ZNF554: variants seen among roughly 807,000 people sequenced by gnomAD.
The protein encoded by ZNF554 is zinc finger protein 554.
ZNF554 carries 15 observed loss-of-function variants against 21.2 expected under a neutral mutation model. The ratio of observed to expected loss-of-function variants is 0.71; its 90% CI spans 0.47 to 1.09. The LOEUF (loss-of-function observed/expected upper bound fraction) is 1.09, where lower values mean the gene tolerates loss of function less well. Ranked by LOEUF, ZNF554 falls within the 50% of genes least tolerant of loss-of-function variation. ZNF554 has a pLI of 0.00. For missense variants in ZNF554, 691 were observed against 662.7 expected (o/e 1.04, Z -0.47); for synonymous variants, 258 against 251.4 (o/e 1.03, Z -0.25).
intron 1 of ZNF554, among the ~76,000 whole-genome samples, chr19:2,822,639 G>A (rs1053842873): frequency 6.6e-6 from 1 of 152,136 alleles, no homozygotes; most frequent in Non-Finnish European, 1.5e-5. Context: ...CAGAATTTAG[G>A]GAGGCTGAGG....
chr19:2,825,692 C>T (rs931659382), intron 2 of ZNF554, among the ~76,000 whole-genome samples: 1 of 152,106 alleles, frequency 6.6e-6, no homozygotes, highest in Non-Finnish European at 1.5e-5. Context: ...AGCTTGGCTT[C>T]CCAAAGGGCT....
rs1185220517 is a variant in ZNF554, at chr19:2,821,967, C to G, written c.54-1073C>G. 6.6e-6 allele frequency among the ~76,000 whole-genome samples: 1 copy of G among 152,092 alleles called. No homozygotes were observed. The highest frequency in any genetic ancestry group is 1.5e-5 in the Non-Finnish European group (1 of 68,022). On this transcript the variant is annotated intron_variant, in intron 1 of 4. Coordinates refer to ENST00000317243, the MANE Select transcript of ZNF554 (RefSeq NM_001102651.2). The surrounding 1 kb of genome is among the most constrained non-coding windows in gnomAD (Gnocchi z 8.2). ...CGTGAGTCACCTAGTCCAGCTGTCT[C>G]TTTCTCTTATAAGGACAATACTCAT...
At position 2,834,529 on chromosome 19, in the gene ZNF554, G is replaced by C; in HGVS notation, c.1294G>C (p.Gly432Arg). ...GATCTTGCACAAGAGGACACACACCGGAGAGAAGCCCTACGAATGCAGTGA... is the reference window on the plus strand; with the variant it reads ...GATCTTGCACAAGAGGACACACACCCGAGAGAAGCCCTACGAATGCAGTGA... ...YLILHKRTHTGEKPYECSECG... is the reference protein window; with the variant it reads ...YLILHKRTHTREKPYECSECG... The change falls in exon 5 of 5, where the codon GGA (glycine) becomes CGA (arginine). Residue 432 changes from glycine to arginine, a missense_variant. Transcript: ENST00000317243. 1 of 1,614,060 alleles carries C rather than the reference G, an allele frequency of 6.2e-7. No homozygotes were observed. The highest frequency in any genetic ancestry group is 1.7e-5 in the Admixed American group (1 of 60,000).
chr19:2,832,610 C>T lies in ZNF554; in HGVS notation c.445+116C>T, dbSNP rs1026963656. ...AAGGAGAATGCCAAGATCCCTTTCT[C>T]GGACACCTTCAGTTCATTTTCTGGC... On this transcript the variant is annotated intron_variant, in intron 4 of 4. Transcript: ENST00000317243. 7 of 1,043,758 alleles carry T rather than the reference C, an allele frequency of 6.7e-6. No individual in the cohort carries two copies. In the South Asian group the frequency reaches 7.0e-5, roughly 10 times the overall value. The allele number at this position is 1,043,758 out of a possible 1,614,324, so 64.7% of individuals were successfully genotyped here.
At chr19:2,826,089 G>A (rs1187126434) in intron 2 of ZNF554, among the ~76,000 whole-genome samples, 3 of 151,432 alleles carry the variant, frequency 2.0e-5, no homozygotes, top group Non-Finnish European at 4.4e-5. Context: ...TGGTAGAGAC[G>A]GGGTTTCTCC....
Position 2,821,739 on chromosome 19 carries a change from T to G in ZNF554, c.54-1301T>G, listed in dbSNP as rs1457840409. Among the ~76,000 whole-genome samples, 1 of 152,132 alleles carries G rather than the reference T, an allele frequency of 6.6e-6. No homozygotes were observed. The highest frequency in any genetic ancestry group is 2.4e-5 in the African/African-American group (1 of 41,394). ...TGGAGTGCAGTGGCACGATCTCGGC[T>G]CACTGCAATCTCTACCCCACAGGAT... is the stretch of plus-strand genomic sequence containing the variant. On this transcript the variant is annotated intron_variant, in intron 1 of 4. Coordinates refer to ENST00000317243, the MANE Select transcript of ZNF554 (RefSeq NM_001102651.2). The surrounding 1 kb of genome is among the most constrained non-coding windows in gnomAD (Gnocchi z 8.2).
chr19:2,834,967 A>T lies in ZNF554; in HGVS notation c.*115A>T. On this transcript the variant is annotated 3_prime_UTR_variant, in exon 5 of 5. Coordinates refer to ENST00000317243, the MANE Select transcript of ZNF554 (RefSeq NM_001102651.2). ...AGAAGTGGGTTTATGTCACCTTCTC[A>T]CCTTCTTATAAGAAAGCTCTGAGAA... The T allele has an allele frequency of 1.1e-6, 1 of 946,468 alleles. No individual in the cohort carries two copies. The highest frequency in any genetic ancestry group is 1.6e-6 in the Non-Finnish European group (1 of 645,032). The allele number at this position is 946,468 out of a possible 1,614,324, so 58.6% of individuals were successfully genotyped here. A position where few individuals can be genotyped will look rare whatever the true frequency, so the allele number is the denominator to read the frequency against.
chr19:2,829,274 G>A (rs941182223), intron 3 of ZNF554, among the ~76,000 whole-genome samples: 3 of 152,146 alleles, frequency 2.0e-5, no homozygotes, highest in Non-Finnish European at 4.4e-5. Context: ...CATGAGAATC[G>A]CTTGAACCTG....
At chr19:2,832,005 A>C (rs537462271) in intron 3 of ZNF554, 223 of 201,380 alleles carry the variant, frequency 1.1e-3, no homozygotes, top group Non-Finnish European at 1.7e-3. Flanking sequence ...GGCTCACTGC[A>C]ACCTCTGCCT....
At chr19:2,832,616 C>A (rs546147260) in intron 4 of ZNF554, 122 bp downstream of exon 4, 2 of 976,240 alleles carry the variant, frequency 2.0e-6, no homozygotes, top group Admixed American at 3.1e-5. Flanking sequence ...TTCTCGGACA[C>A]CTTCAGTTCA....
In ZNF554 at chr19:2,834,047, G is replaced by C. The variant is rs2087459832; in HGVS notation, c.812G>C (p.Arg271Thr). 6.2e-7 allele frequency: 1 copy of C among 1,613,990 alleles called. No individual in the cohort carries two copies. Among genetic ancestry groups the C allele is most frequent in the South Asian group, 1.1e-5 (1 of 91,084 alleles). ...NHHQLGYADR[R>T]PCESNECGNA... ...CATCAGCTGGGATATGCAGATCGGA[G>C]ACCTTGTGAAAGTAATGAATGTGGA... The change falls in exon 5 of 5, where the codon AGA becomes ACA. Residue 271 changes from arginine to threonine, a missense_variant. Transcript: ENST00000317243.
In ZNF554 at chr19:2,834,855, A is replaced by G. The variant is rs2087479062; in HGVS notation, c.*3A>G. ...ACAGACATCTTATTGGATATTAGCA[A>G]TTGCACGCTGCTTTGTAAGCCACTT... is the stretch of plus-strand genomic sequence containing the variant. On this transcript the variant is annotated 3_prime_UTR_variant, in exon 5 of 5. Transcript: ENST00000317243. The G allele has an allele frequency of 1.3e-6, 2 of 1,570,746 alleles. No homozygotes were observed. Among genetic ancestry groups the G allele is most frequent in the South Asian group, 2.3e-5 (2 of 85,400 alleles).
Position 2,834,653 on chromosome 19 carries a change from T to G in ZNF554, c.1418T>G (p.Phe473Cys), listed in dbSNP as rs1223180806. 1 of 1,614,044 alleles carries G rather than the reference T, an allele frequency of 6.2e-7. No homozygotes were observed. Among genetic ancestry groups the G allele is most frequent in the East Asian group, 2.2e-5 (1 of 44,864 alleles). ...GAATGTAAGCAGTGTGGGAGAGCCT[T>G]CAGCCAGAGGTCTTCCCTTGTGAGG... is the stretch of plus-strand genomic sequence containing the variant. ...PYECKQCGRA[F>C]SQRSSLVRHE... Residue 473 changes from phenylalanine to cysteine, a missense_variant, in exon 5 of 5, where the codon TTC becomes TGC. Physicochemically the swap from Phe to Cys is radical, Grantham distance 205. Transcript: ENST00000317243.
chr19:2,833,737 G>A lies in ZNF554; in HGVS notation c.502G>A (p.Glu168Lys). 1 of 1,559,038 alleles carries A rather than the reference G, an allele frequency of 6.4e-7. No homozygotes were observed. Among genetic ancestry groups the A allele is most frequent in the Non-Finnish European group, 8.7e-7 (1 of 1,153,828 alleles). Residue 168 changes from glutamate to lysine, a missense_variant, in exon 5 of 5, where the codon GAG becomes AAG. Transcript: ENST00000317243. ...DSTYKKVALQ[E>K]EPASGINMIK... ...AACTTACAAGAAGGTGGCTTTGCAG[G>A]AGGAACCAGCCAGTGGTATAAATAT...
Position 2,827,715 on chromosome 19 carries a change from G to A in ZNF554, c.225G>A (p.Leu75=), listed in dbSNP as rs762792402. 7.4e-6 allele frequency: 12 copies of A among 1,613,810 alleles called. No individual in the cohort carries two copies. The highest frequency in any genetic ancestry group is 1.3e-5 in the African/African-American group (1 of 74,928). ...AQKNLYREVM[L]ENYRNVVSLE... ...AGAACCTGTACAGAGAGGTGATGCT[G>A]GAGAACTACAGGAACGTGGTCTCCC... The change falls in exon 3 of 5, where the codon CTG becomes CTA. Residue 75 remains leucine (L), a synonymous_variant. Coordinates refer to ENST00000317243, the MANE Select transcript of ZNF554 (RefSeq NM_001102651.2).
At chr19:2,832,219 C>T in intron 3 of ZNF554, 84 bp from the exon 4 acceptor site, 3 of 1,382,444 alleles carry the variant, frequency 2.2e-6, no homozygotes, top group South Asian at 1.5e-5. Context: ...AGCCACCATG[C>T]CTGGCACAGA....
rs1035741218 is a variant in ZNF554 at position 2,833,376 on chromosome 19, G to A, written c.446-305G>A. 9 of 195,178 alleles carry A rather than the reference G, an allele frequency of 4.6e-5. No homozygotes were observed. In the South Asian group the frequency reaches 5.3e-4, roughly 12 times the overall value. The allele number at this position is 195,178 out of a possible 1,614,324, so 12.1% of individuals were successfully genotyped here. A position where few individuals can be genotyped will look rare whatever the true frequency, so the allele number is the denominator to read the frequency against. On this transcript the variant is annotated intron_variant, in intron 4 of 4. Coordinates refer to ENST00000317243, the MANE Select transcript of ZNF554 (RefSeq NM_001102651.2). ...TGACCTCAGGTGATCCACCTGCCTC[G>A]GCCTCCCAAGGTGCTGGGATTACAG...
intron 4 of ZNF554, 45 bp downstream of exon 4, chr19:2,832,539 G>A (rs776347029): frequency 3.1e-5 from 47 of 1,536,478 alleles, no homozygotes; most frequent in African/African-American, 8.3e-5. Context: ...CAGTGGCATC[G>A]TGGGAAACAT....
In ZNF554 at chr19:2,835,390, T is replaced by A. The variant is rs2087486119; in HGVS notation, c.*538T>A. On this transcript the variant is annotated 3_prime_UTR_variant, in exon 5 of 5. Coordinates refer to ENST00000317243, the MANE Select transcript of ZNF554 (RefSeq NM_001102651.2). ...AGGAGGCTGAGGCAGGAGAATGGTGTGAACCCGGGAGGTGGAGCTTGCAGT... is the reference window on the plus strand; with the variant it reads ...AGGAGGCTGAGGCAGGAGAATGGTGAGAACCCGGGAGGTGGAGCTTGCAGT... The A allele has an allele frequency of 6.6e-6, 1 of 151,138 alleles. No individual in the cohort carries two copies. The highest frequency in any genetic ancestry group is 6.6e-5 in the Admixed American group (1 of 15,174). The allele number at this position is 151,138 out of a possible 1,614,324, so 9.4% of individuals were successfully genotyped here.
Sources: gnomAD v4.1 joint callset for allele counts (sites outside exome capture counted in the v4.1 genomes callset) on GRCh38, gnomAD v4.1.1 for gene constraint, Gnocchi (gnomAD v3.1) non-coding constraint, MANE v1.5 for transcripts, NCBI Gene and HGNC (gene_info 2026-07-23, HGNC 2026-07-21) for gene names.